GALNT16: variants seen among roughly 807,000 people sequenced by gnomAD.
GALNT16 encodes the protein polypeptide N-acetylgalactosaminyltransferase 16, also known as UDP-GalNAc:polypeptide N-acetylgalactosaminyltransferase-like protein 1.
A neutral mutation model predicts 76.1 loss-of-function variants in GALNT16; 40 were observed. That is an observed-to-expected ratio of 0.53 (90% CI 0.41 to 0.68). GALNT16 has a LOEUF of 0.68. Among genes scored for constraint, GALNT16 ranks in the 30% least tolerant of loss-of-function variants. The pLI is 0.00. For synonymous variants in GALNT16, 276 were observed against 285.2 expected (o/e 0.97, Z 0.32); for missense variants, 621 against 731.9 (o/e 0.85, Z 1.75).
At chr14:69,290,236 T>A (rs1035726505) in intron 1 of GALNT16, among the ~76,000 whole-genome samples, 7 of 152,236 alleles carry the variant, frequency 4.6e-5, no homozygotes, top group African/African-American at 1.7e-4. Flanking sequence ...ACCCACACAA[T>A]CTTGCCAGAT....
At chr14:69,383,081 C>T in the GALNT16 span, among the ~76,000 whole-genome samples, 3 of 152,104 alleles carry the variant, frequency 2.0e-5, no homozygotes, top group Admixed American at 2.0e-4. Context: ...TTTAAATGTT[C>T]TTTATGTCTC....
intron 11 of GALNT16, 25 bp from the exon 12 acceptor site, chr14:69,341,656 G>A (rs1478315350): frequency 3.8e-6 from 6 of 1,566,232 alleles, no homozygotes; most frequent in Non-Finnish European, 5.3e-6. Context: ...GCAGGCCAAA[G>A]CCCAAGCCCT....
chr14:69,274,036 A>G (rs758514625), intron 1 of GALNT16, among the ~76,000 whole-genome samples: 1 of 152,222 alleles, frequency 6.6e-6, no homozygotes, highest in Non-Finnish European at 1.5e-5. Flanking sequence ...CCAAAGTGTC[A>G]GGGTTCATAT....
downstream of GALNT16, among the ~76,000 whole-genome samples, chr14:69,360,093 CTAGA>C (rs2045715226): frequency 6.6e-6 from 1 of 151,936 alleles, no homozygotes; most frequent in Non-Finnish European, 1.5e-5. Flanking sequence ...CGATTCCTGC[CTAGA>C]ATCCCAGCAC....
intron 1 of GALNT16, among the ~76,000 whole-genome samples, chr14:69,264,479 C>T (rs2044314853): frequency 6.6e-6 from 1 of 152,118 alleles, no homozygotes; most frequent in Non-Finnish European, 1.5e-5. Context: ...TGGAAGGTCC[C>T]ACAGGAACCC....
the GALNT16 span, among the ~76,000 whole-genome samples, chr14:69,381,380 C>T: frequency 6.6e-6 from 1 of 152,196 alleles, no homozygotes; most frequent in Admixed American, 6.5e-5. Context: ...TTGCTAATTT[C>T]CTTCCCCCTG....
chr14:69,308,495 A>G (rs1344730336), intron 1 of GALNT16, among the ~76,000 whole-genome samples: 1 of 152,208 alleles, frequency 6.6e-6, no homozygotes, highest in Non-Finnish European at 1.5e-5. Context: ...ATTTCTTCTA[A>G]CATTCCTTTA....
intron 1 of GALNT16, among the ~76,000 whole-genome samples, chr14:69,295,856 A>G (rs2044753365): frequency 6.6e-6 from 1 of 152,204 alleles, no homozygotes; most frequent in African/African-American, 2.4e-5. Context: ...AAGGAGTATA[A>G]GAAGATATTT....
intron 1 of GALNT16, among the ~76,000 whole-genome samples, chr14:69,298,097 C>A (rs2140136946): frequency 6.6e-6 from 1 of 152,366 alleles, no homozygotes; most frequent in Admixed American, 6.5e-5. Flanking sequence ...CACTCAGCTA[C>A]AAGTTCAGAC....
chr14:69,297,145 A>T (rs1304184903), intron 1 of GALNT16, among the ~76,000 whole-genome samples: 1 of 152,198 alleles, frequency 6.6e-6, no homozygotes, highest in Non-Finnish European at 1.5e-5. Flanking sequence ...TATCTATAGG[A>T]TATATTTCCT....
chr14:69,319,186 A>C (rs781099016), intron 1 of GALNT16, among the ~76,000 whole-genome samples: 6 of 152,320 alleles, frequency 3.9e-5, no homozygotes, highest in Middle Eastern at 3.4e-3. Flanking sequence ...ACTGGCTCCT[A>C]GGACAGGAGG....
chr14:69,277,256 G>T (rs990028062), intron 1 of GALNT16, among the ~76,000 whole-genome samples: 2 of 152,066 alleles, frequency 1.3e-5, no homozygotes, highest in African/African-American at 4.8e-5. Context: ...AAGTTCTAGG[G>T]TACATGTGCA....
chr14:69,301,197 C>A (rs8004722), intron 1 of GALNT16, among the ~76,000 whole-genome samples: 109,827 of 151,946 alleles, frequency 0.72, 40,665 homozygotes, highest in East Asian at 1. Context: ...CTCTGAAAGC[C>A]CCTGCAGCTG....
At chr14:69,377,324 C>G in the GALNT16 span, among the ~76,000 whole-genome samples, 1 of 152,018 alleles carries the variant, frequency 6.6e-6, no homozygotes, top group Admixed American at 6.6e-5. Context: ...GCTTTGTGAT[C>G]TGGTGAATCA....
intron 1 of GALNT16, among the ~76,000 whole-genome samples, chr14:69,315,393 C>G (rs2045085675): frequency 6.6e-6 from 1 of 152,220 alleles, no homozygotes; most frequent in Non-Finnish European, 1.5e-5. Context: ...AAACATCAGC[C>G]AAGAACTCTC....
At chr14:69,300,069 A>T in intron 1 of GALNT16, among the ~76,000 whole-genome samples, 1 of 152,142 alleles carries the variant, frequency 6.6e-6, no homozygotes, top group East Asian at 1.9e-4. Context: ...TTAGGAAGGG[A>T]TGTTTCCTAG....
chr14:69,316,208 G>A (rs924666633), intron 1 of GALNT16, among the ~76,000 whole-genome samples: 1 of 152,330 alleles, frequency 6.6e-6, no homozygotes, highest in East Asian at 1.9e-4. Flanking sequence ...CCATACGCCG[G>A]CTTGGTCCAC....
At chr14:69,280,483 G>A (rs2044526262) in intron 1 of GALNT16, among the ~76,000 whole-genome samples, 2 of 152,204 alleles carry the variant, frequency 1.3e-5, no homozygotes, top group Admixed American at 6.5e-5. Context: ...TTTGGCTAAT[G>A]TAAATAATGG....
At chr14:69,351,974 A>G in intron 14 of GALNT16, 57 bp from the exon 15 acceptor site, 1 of 1,508,618 alleles carries the variant, frequency 6.6e-7, no homozygotes. Context: ...GTACAACATT[A>G]TTTTTTTAAA....
Sources: gnomAD v4.1 joint callset for allele counts (sites outside exome capture counted in the v4.1 genomes callset) on GRCh38, gnomAD v4.1.1 for gene constraint, MANE v1.5 for transcripts, NCBI Gene and HGNC (gene_info 2026-07-23, HGNC 2026-07-21) for gene names.